The following SUZ12 variants were observed in gnomAD, a reference collection of about 807,000 sequenced individuals.
The protein encoded by SUZ12 is polycomb protein SUZ12.
A neutral mutation model predicts 87.3 loss-of-function variants in SUZ12; 17 were observed. The ratio of observed to expected loss-of-function variants is 0.19; its 90% CI spans 0.13 to 0.29. The LOEUF (loss-of-function observed/expected upper bound fraction) is 0.29. SUZ12 is among the 10% of genes least tolerant of loss of function. SUZ12 has a pLI of 1.00. For missense variants in SUZ12, 526 were observed against 912.2 expected (o/e 0.58, Z 5.45); for synonymous variants, 253 against 312.4 (o/e 0.81, Z 2.01).
chr17:31,985,158 CAAA>C (rs34227080), intron 9 of SUZ12, among the ~76,000 whole-genome samples: 10,083 of 72,524 alleles, frequency 0.14, 250 homozygotes, highest in Middle Eastern at 0.22. Flanking sequence ...GACTCTGTCT[CAAA>C]AAAAAAAAAA....
At chr17:31,954,600 A>T (rs1470909646) in intron 4 of SUZ12, among the ~76,000 whole-genome samples, 1 of 152,122 alleles carries the variant, frequency 6.6e-6, no homozygotes. Flanking sequence ...AGAAAGACAT[A>T]ATCATTTAAT....
chr17:31,958,015 G>A (rs1049212252), intron 4 of SUZ12, among the ~76,000 whole-genome samples: 1 of 146,182 alleles, frequency 6.8e-6, no homozygotes, highest in African/African-American at 2.5e-5. Flanking sequence ...CCATTCTCCT[G>A]CCTCAGCCTC....
intron 10 of SUZ12, among the ~76,000 whole-genome samples, chr17:31,992,241 G>A (rs1019191245): frequency 1.3e-5 from 2 of 151,978 alleles, no homozygotes; most frequent in Non-Finnish European, 2.9e-5. Flanking sequence ...GCAGTGAGCT[G>A]AGATTGTGCC....
At chr17:31,995,441 TGTTTTATGGTTA>T in intron 13 of SUZ12, 111 bp from the exon 14 acceptor site, 1 of 713,416 alleles carries the variant, frequency 1.4e-6, no homozygotes, top group Non-Finnish European at 2.3e-6. Context: ...CTAATACTAT[TGTTTTATGGTTA>T]GTTTTATAAA....
At chr17:31,978,853 A>G (rs1908906983) in intron 8 of SUZ12, among the ~76,000 whole-genome samples, 1 of 152,132 alleles carries the variant, frequency 6.6e-6, no homozygotes, top group Admixed American at 6.5e-5. Flanking sequence ...CACGCCTGTA[A>G]TCCCAGCACT....
Position 31,994,704 on chromosome 17 carries a change from A to G in SUZ12, c.1578A>G (p.Thr526=). ...GACCAGTTAAGAGAACACCTATCACACATATTCTTGTGTGCAGGTAGGTAA... is the reference window on the plus strand; with the variant it reads ...GACCAGTTAAGAGAACACCTATCACGCATATTCTTGTGTGCAGGTAGGTAA... ...RNGPVKRTPI[T]HILVCRPKRT... is the part of the protein sequence containing the mutation. Residue 526 remains threonine, a synonymous_variant, in exon 13 of 16, where the codon ACA becomes ACG. Coordinates refer to ENST00000322652, the MANE Select transcript of SUZ12 (RefSeq NM_015355.4). 6.2e-7 allele frequency: 1 copy of G among 1,613,866 alleles called. No individual in the cohort carries two copies. Among genetic ancestry groups the G allele is most frequent in the Non-Finnish European group, 8.5e-7 (1 of 1,179,924 alleles).
At position 31,971,292 on chromosome 17, in the gene SUZ12, G is replaced by T. The variant is rs576389264; in HGVS notation, c.506-1854G>T. Among the ~76,000 whole-genome samples, 8 of 152,004 alleles carry T rather than the reference G, an allele frequency of 5.3e-5. No individual in the cohort carries two copies. In the East Asian group the frequency reaches 1.5e-3, roughly 29 times the overall value. Reference sequence around the variant, plus strand: ...AACTTTTTAGTTTAGTTGTCTCTGTGCATTCATAATGAAACATGTATAATG... The same window carrying T: ...AACTTTTTAGTTTAGTTGTCTCTGTTCATTCATAATGAAACATGTATAATG... On this transcript the variant is annotated intron_variant, in intron 5 of 15. Coordinates refer to ENST00000322652, the MANE Select transcript of SUZ12 (RefSeq NM_015355.4).
chr17:31,967,044 T>G (rs542993567), intron 5 of SUZ12: 1 of 151,884 alleles, frequency 6.6e-6, no homozygotes, highest in Non-Finnish European at 1.5e-5. Context: ...ACTAAAAATA[T>G]AAACATTAGC....
At chr17:31,948,595 G>A (rs1190473178) in intron 4 of SUZ12, among the ~76,000 whole-genome samples, 1 of 152,078 alleles carries the variant, frequency 6.6e-6, no homozygotes, top group Non-Finnish European at 1.5e-5. Context: ...CTGTTGACTG[G>A]TAAAAGACTT....
chr17:31,942,147 C>T (rs1341698005), intron 3 of SUZ12, among the ~76,000 whole-genome samples: 5 of 152,174 alleles, frequency 3.3e-5, no homozygotes, highest in East Asian at 1.9e-4. Context: ...CCACTGCGCC[C>T]GGCCTCCGCT....
chr17:31,988,447 G>C lies in SUZ12; in HGVS notation c.1151G>C (p.Ser384Thr). ...AKPLATRNSE[S>T]LHQENKPGSV... The stretch of plus-strand genomic sequence containing the variant: ...CCTCTTGCCACTAGAAATTCAGAGA[G>C]TCTCCATCAGGAAAACAAGCCTGGT... Residue 384 changes from serine (S) to threonine (T), a missense_variant, in exon 10 of 16, where the codon AGT (serine) becomes ACT (threonine). Transcript: ENST00000322652. 1 of 1,612,808 alleles carries C rather than the reference G, an allele frequency of 6.2e-7. No individual in the cohort carries two copies. Among genetic ancestry groups the C allele is most frequent in the Non-Finnish European group, 8.5e-7 (1 of 1,179,660 alleles).
chr17:31,946,640 T>C (rs1387700851), intron 3 of SUZ12, among the ~76,000 whole-genome samples: 2 of 152,246 alleles, frequency 1.3e-5, no homozygotes, highest in African/African-American at 2.4e-5. Context: ...AATAAATTGA[T>C]GTGGAGTACA....
At chr17:31,970,181 A>T (rs1405067495) in intron 5 of SUZ12, among the ~76,000 whole-genome samples, 4 of 152,218 alleles carry the variant, frequency 2.6e-5, no homozygotes, top group Admixed American at 1.3e-4. Context: ...TTTCATGATG[A>T]GTATTGTTCG....
intron 4 of SUZ12, among the ~76,000 whole-genome samples, chr17:31,949,728 G>A (rs1293600808): frequency 1.8e-5 from 2 of 108,340 alleles, no homozygotes; most frequent in Non-Finnish European, 3.5e-5. Flanking sequence ...CCCTCTTGCT[G>A]AGGCTGGAGT....
chr17:31,978,798 C>T (rs1908902685), intron 8 of SUZ12, among the ~76,000 whole-genome samples: 2 of 151,898 alleles, frequency 1.3e-5, no homozygotes, highest in South Asian at 4.2e-4. Flanking sequence ...GGAGAATTTC[C>T]CCACAGCAGC....
At position 31,979,805 on chromosome 17, in the gene SUZ12, T is replaced by C. The variant is rs541421061; in HGVS notation, c.917+3191T>C. 2.0e-5 allele frequency among the ~76,000 whole-genome samples: 3 copies of C among 152,322 alleles called. 1 individual carries two copies. Among genetic ancestry groups the C allele is most frequent in the African/African-American group, 7.2e-5 (3 of 41,572 alleles). On this transcript the variant is annotated intron_variant, in intron 8 of 15. Transcript: ENST00000322652. ...GCTAATACATGAAGCTGAGTAAATATCCATTTTCTTCCCATAGCCTTTCAC... is the reference window on the plus strand; with the variant it reads ...GCTAATACATGAAGCTGAGTAAATACCCATTTTCTTCCCATAGCCTTTCAC...
intron 3 of SUZ12, among the ~76,000 whole-genome samples, chr17:31,944,348 G>A (rs1278332709): frequency 4.0e-5 from 6 of 151,822 alleles, no homozygotes; most frequent in African/African-American, 9.7e-5. Flanking sequence ...GGCTGGTCTC[G>A]AACTCCCGAC....
intron 8 of SUZ12, among the ~76,000 whole-genome samples, chr17:31,977,224 T>C (rs1341677356): frequency 1.3e-5 from 2 of 151,556 alleles, no homozygotes; most frequent in African/African-American, 4.8e-5. Flanking sequence ...AGCAATGAGC[T>C]ATGATCATGC....
At chr17:31,947,804 G>A in intron 4 of SUZ12, 119 bp downstream of exon 4, 1 of 1,079,210 alleles carries the variant, frequency 9.3e-7, no homozygotes, top group Admixed American at 3.2e-5. Flanking sequence ...TTAGAGGTCA[G>A]TTTGGTCCAA....
Sources: allele counts gnomAD v4.1 joint callset (sites outside exome capture counted in the v4.1 genomes callset), GRCh38; gene constraint gnomAD v4.1.1; transcripts MANE v1.5; gene names NCBI Gene and HGNC (gene_info 2026-07-23, HGNC 2026-07-21).